Variants in NOSTRIN observed in about 807,000 individuals in gnomAD.
NOSTRIN encodes the protein nitric oxide synthase trafficking.
A neutral mutation model predicts 59.0 loss-of-function variants in NOSTRIN; 63 were observed. The observed-to-expected ratio is 1.07, with a 90% CI of 0.87 to 1.32. The LOEUF (loss-of-function observed/expected upper bound fraction) is 1.32, where lower values mean the gene tolerates loss of function less well. Among genes scored for constraint, NOSTRIN ranks in the 40% most tolerant of loss-of-function variants. The probability of loss-of-function intolerance (pLI) is 0.00; values close to 1 mark genes in which losing one functional copy is unlikely to be tolerated. For synonymous variants in NOSTRIN, 200 were observed against 165.4 expected (o/e 1.21, Z -1.61); for missense variants, 512 against 473.1 (o/e 1.08, Z -0.76).
chr2:168,839,636 G>T (rs1378040214), intron 7 of NOSTRIN, among the ~76,000 whole-genome samples: 1 of 152,034 alleles, frequency 6.6e-6, no homozygotes, highest in Non-Finnish European at 1.5e-5. Flanking sequence ...GTCTACAGCC[G>T]GGCGCAGTGG....
chr2:168,864,859 A>G lies in NOSTRIN; in HGVS notation c.1410A>G (p.Lys470=), dbSNP rs1220675679. 3 of 1,613,924 alleles carry G rather than the reference A, an allele frequency of 1.9e-6. No individual in the cohort carries two copies. The highest frequency in any genetic ancestry group is 2.5e-6 in the Non-Finnish European group (3 of 1,179,954). The change falls in exon 16 of 16, where the codon AAA becomes AAG. Residue 470 remains lysine (K), a synonymous_variant. Transcript: ENST00000317647. ...EKGDIVIIHE[K]KEGGWWFGSL... Reference sequence around the variant, plus strand: ...GTGACATTGTGATTATACACGAGAAAAAAGAAGGAGGATGGTGGTTTGGAT... The same window carrying G: ...GTGACATTGTGATTATACACGAGAAGAAAGAAGGAGGATGGTGGTTTGGAT...
At chr2:168,796,729 T>G (rs557955312), upstream of NOSTRIN, among the ~76,000 whole-genome samples, 4 of 152,266 alleles carry the variant, frequency 2.6e-5, no homozygotes, top group Admixed American at 1.3e-4. Flanking sequence ...TTCCTGCTTG[T>G]CAAGGCCATT....
chr2:168,819,843 G>T lies in NOSTRIN; in HGVS notation c.114-4791G>T, dbSNP rs141466190. ...CAACTCACTCCAGCCCAGAGGGCTA[G>T]CTCGGTGACATTTGCTGTCAGAGTC... On this transcript the variant is annotated intron_variant, in intron 2 of 15. Coordinates refer to ENST00000317647, the MANE Select transcript of NOSTRIN (RefSeq NM_001039724.4). Among the ~76,000 whole-genome samples the T allele has an allele frequency of 4.1e-3, 632 of 152,316 alleles. 10 individuals are homozygous for T. Among genetic ancestry groups the T allele is most frequent in the African/African-American group, 0.014 (598 of 41,568 alleles).
intron 2 of NOSTRIN, among the ~76,000 whole-genome samples, chr2:168,821,125 A>G (rs1323668372): frequency 6.6e-6 from 1 of 152,242 alleles, no homozygotes. Flanking sequence ...ACTGAGCTGA[A>G]CATTATAAAA....
intron 2 of NOSTRIN, among the ~76,000 whole-genome samples, chr2:168,789,860 C>T (rs919966547): frequency 6.6e-6 from 1 of 152,110 alleles, no homozygotes; most frequent in Non-Finnish European, 1.5e-5. Flanking sequence ...CAGCTCTGAG[C>T]GTATTTTCTG....
exon 1 of NOSTRIN, chr2:168,786,580 T>G (rs1685207986): frequency 6.6e-6 from 1 of 152,072 alleles, no homozygotes; most frequent in African/African-American, 2.4e-5. Context: ...GCACTGGGCA[T>G]GCAGACAGCC....
intron 2 of NOSTRIN, among the ~76,000 whole-genome samples, chr2:168,816,865 G>A (rs990635207): frequency 2.0e-5 from 3 of 152,190 alleles, no homozygotes; most frequent in Non-Finnish European, 4.4e-5. Context: ...AGGCACTCAT[G>A]TTTGAGTGAC....
At chr2:168,826,774 A>G (rs143800735) in intron 3 of NOSTRIN, among the ~76,000 whole-genome samples, 10 of 152,356 alleles carry the variant, frequency 6.6e-5, no homozygotes, top group Non-Finnish European at 1.3e-4. Flanking sequence ...TTTTAAGCAT[A>G]TGATTTGATC....
chr2:168,859,844 C>T (rs1035470433), intron 13 of NOSTRIN, among the ~76,000 whole-genome samples: 1 of 152,202 alleles, frequency 6.6e-6, no homozygotes, highest in African/African-American at 2.4e-5. Context: ...GTACACCAAA[C>T]TTCTATGAGA....
chr2:168,812,700 A>T (rs904477733), intron 2 of NOSTRIN, among the ~76,000 whole-genome samples: 20 of 152,152 alleles, frequency 1.3e-4, no homozygotes, highest in African/African-American at 4.8e-4. Context: ...AGGTAAATAT[A>T]CGGGAAGAGT....
upstream of NOSTRIN, among the ~76,000 whole-genome samples, chr2:168,798,899 G>A (rs953736646): frequency 6.6e-6 from 1 of 152,094 alleles, no homozygotes; most frequent in Non-Finnish European, 1.5e-5. Context: ...AGCTATATGA[G>A]GTATGCAAAA....
chr2:168,849,924 T>TTTG (rs1295598182), intron 8 of NOSTRIN, among the ~76,000 whole-genome samples: 1 of 151,608 alleles, frequency 6.6e-6, no homozygotes, highest in Non-Finnish European at 1.5e-5. Context: ...TCTCATTTTT[T>TTTG]TTTTTTTTTT....
At chr2:168,839,900 A>AAAAAAAAAAAAT (rs1553529218) in intron 7 of NOSTRIN, among the ~76,000 whole-genome samples, 1 of 123,234 alleles carries the variant, frequency 8.1e-6, no homozygotes, top group African/African-American at 3.1e-5. Flanking sequence ...AAAAAAAAAA[A>AAAAAAAAAAAAT]ATATATATAT....
At chr2:168,857,174 G>A (rs1243111337) in intron 12 of NOSTRIN, among the ~76,000 whole-genome samples, 1 of 152,146 alleles carries the variant, frequency 6.6e-6, no homozygotes, top group Non-Finnish European at 1.5e-5. Flanking sequence ...TTTCTCATCC[G>A]CAAAATGGGG....
intron 2 of NOSTRIN, among the ~76,000 whole-genome samples, chr2:168,812,304 A>G (rs1442247067): frequency 6.6e-6 from 1 of 152,204 alleles, no homozygotes; most frequent in Admixed American, 6.5e-5. Context: ...AAGCAACTCT[A>G]AAGAGACCTT....
At chr2:168,834,507 G>GCGCACACACACACACACACACA (rs756381301) in intron 7 of NOSTRIN, among the ~76,000 whole-genome samples, 182 bp downstream of exon 7, 3 of 125,342 alleles carry the variant, frequency 2.4e-5, no homozygotes, top group East Asian at 2.4e-4. Flanking sequence ...GCGCGCGCGC[G>GCGCACACACACACACACACACA]CACACACACA....
intron 7 of NOSTRIN, among the ~76,000 whole-genome samples, chr2:168,837,298 A>AT (rs1267903005): frequency 4.0e-4 from 34 of 84,530 alleles, no homozygotes; most frequent in Non-Finnish European, 7.3e-4. Context: ...CTTTTTTAAC[A>AT]TCTTTTTTTT....
chr2:168,821,635 G>C (rs1332792445), intron 2 of NOSTRIN, among the ~76,000 whole-genome samples: 1 of 152,254 alleles, frequency 6.6e-6, no homozygotes, highest in East Asian at 1.9e-4. Flanking sequence ...TGTAAGGGGA[G>C]AGTGGCGAGG....
chr2:168,864,700 T>C (rs1025331627), intron 15 of NOSTRIN, 134 bp from the exon 16 acceptor site: 12 of 941,682 alleles, frequency 1.3e-5, no homozygotes, highest in Non-Finnish European at 1.9e-5. Context: ...ACATTTGGCT[T>C]CATCTGAATC....
Sources: allele counts gnomAD v4.1 joint callset (sites outside exome capture counted in the v4.1 genomes callset), GRCh38; gene constraint gnomAD v4.1.1; transcripts MANE v1.5; gene names NCBI Gene and HGNC (gene_info 2026-07-23, HGNC 2026-07-21).